The following PCDHA4 variants were observed in gnomAD, a reference collection of about 807,000 sequenced individuals.
The protein encoded by PCDHA4 is protocadherin alpha 4, also known as protocadherin alpha-4.
In PCDHA4, 49 loss-of-function variants were observed where a neutral mutation model predicts 61.4. That is an observed-to-expected ratio of 0.80 (90% CI 0.63 to 1.01). The LOEUF (loss-of-function observed/expected upper bound fraction) is 1.01, where lower values mean the gene tolerates loss of function less well. Ranked by LOEUF, PCDHA4 falls within the 50% of genes least tolerant of loss-of-function variation. PCDHA4 has a pLI of 0.00. For missense variants in PCDHA4, 1,254 were observed against 1,235.8 expected (o/e 1.01, Z -0.22); for synonymous variants, 590 against 550.3 (o/e 1.07, Z -1.01).
chr5:140,969,354 T>G, intron 1 of PCDHA4: 1 of 1,612,552 alleles, frequency 6.2e-7, no homozygotes. Context: ...TCAGGGGGTC[T>G]TCTACAAACT....
At chr5:140,924,839 G>A (rs1049952478) in intron 1 of PCDHA4, among the ~76,000 whole-genome samples, 3 of 150,922 alleles carry the variant, frequency 2.0e-5, no homozygotes, top group Non-Finnish European at 4.4e-5. Context: ...AGGTTGCAGG[G>A]AGCTCAGATC....
intron 1 of PCDHA4, chr5:140,877,313 C>T (rs2057018817): frequency 6.2e-7 from 1 of 1,613,836 alleles, no homozygotes; most frequent in Non-Finnish European, 8.5e-7. Flanking sequence ...TTGCAACCGG[C>T]GGCGGTCGGC....
intron 1 of PCDHA4, among the ~76,000 whole-genome samples, chr5:140,945,070 C>T (rs2093734077): frequency 6.6e-6 from 1 of 151,960 alleles, no homozygotes; most frequent in African/African-American, 2.4e-5. Context: ...ACAGACTCCA[C>T]CAAAACACTC....
rs782609302 is a variant in PCDHA4 at position 140,875,595 on chromosome 5, C to T, written c.2385+66023C>T. The T allele has an allele frequency of 6.2e-6, 10 of 1,613,842 alleles. No individual in the cohort carries two copies. The African/African-American group carries it at 8.0e-5, about 13-fold the overall frequency. ...ACTCCGTCTACGAGGAGGCCAAACA[C>T]GGCACCTTCGTGGGCCGCATCGCTC... On this transcript the variant is annotated intron_variant, in intron 1 of 3. Transcript: ENST00000530339.
rs533995955 is a variant in PCDHA4, at chr5:140,975,833, A to T, written c.2386-3116A>T. On this transcript the variant is annotated intron_variant, in intron 1 of 3. Coordinates refer to ENST00000530339, the MANE Select transcript of PCDHA4 (RefSeq NM_018907.4). ...TTAATAGGAACTGAAGTGTATTCTT[A>T]TTCTTCAGTAATACTACATCACCCA... 2.6e-5 allele frequency among the ~76,000 whole-genome samples: 4 copies of T among 152,336 alleles called. No individual in the cohort carries two copies. In the South Asian group the frequency reaches 8.3e-4, roughly 32 times the overall value.
intron 1 of PCDHA4, among the ~76,000 whole-genome samples, chr5:140,837,390 T>C (rs2150275262): frequency 6.6e-6 from 1 of 152,134 alleles, no homozygotes; most frequent in East Asian, 1.9e-4. Context: ...TGTTCCTTGT[T>C]TGTATAAGAA....
Position 140,823,986 on chromosome 5 carries a change from T to A in PCDHA4, c.2385+14414T>A, listed in dbSNP as rs2150131156. On this transcript the variant is annotated intron_variant, in intron 1 of 3. Coordinates refer to ENST00000530339, the MANE Select transcript of PCDHA4 (RefSeq NM_018907.4). ...CCGTGTGCACACGGGGCAAGCCCAC[T>A]CTGTTGTGCTCCAGCGCGGTGGGGA... The A allele has an allele frequency of 3.9e-5, 63 of 1,613,776 alleles. No individual in the cohort carries two copies. The Admixed American group carries it at 1.0e-3, about 27-fold the overall frequency.
chr5:140,967,019 C>T (rs887648506), intron 1 of PCDHA4: 1 of 1,607,542 alleles, frequency 6.2e-7, no homozygotes, highest in Non-Finnish European at 8.5e-7. Flanking sequence ...TCTGGGTGCG[C>T]CCAGTCCGCG....
chr5:140,825,571 T>C (rs1196041650), intron 1 of PCDHA4: 1 of 151,826 alleles, frequency 6.6e-6, no homozygotes, highest in African/African-American at 2.4e-5. Flanking sequence ...ATTACAGGCA[T>C]GTGCCCACAC....
chr5:140,914,076 T>C (rs2076593853), intron 1 of PCDHA4, among the ~76,000 whole-genome samples: 1 of 152,218 alleles, frequency 6.6e-6, no homozygotes, highest in Non-Finnish European at 1.5e-5. Context: ...TCCATAACTA[T>C]CTATTAGGTC....
At chr5:141,009,463 A>C in intron 3 of PCDHA4, 164 bp from the exon 4 acceptor site, 1 of 954,884 alleles carries the variant, frequency 1.0e-6, no homozygotes, top group Non-Finnish European at 1.2e-6. Context: ...AAACAAATAA[A>C]TAAATAAGTA....
intron 1 of PCDHA4, chr5:140,848,534 T>C (rs2150412178): frequency 6.3e-7 from 1 of 1,595,182 alleles, no homozygotes; most frequent in Non-Finnish European, 8.6e-7. Flanking sequence ...AGGGTCAGCC[T>C]CTACTGCTCT....
intron 1 of PCDHA4, among the ~76,000 whole-genome samples, chr5:140,873,040 T>C (rs2153278087): frequency 6.6e-6 from 1 of 152,312 alleles, no homozygotes; most frequent in South Asian, 2.1e-4. Flanking sequence ...CGTAGAGTGG[T>C]GGTATTACAG....
intron 1 of PCDHA4, among the ~76,000 whole-genome samples, chr5:140,959,030 G>A (rs1303090530): frequency 6.6e-6 from 1 of 151,776 alleles, no homozygotes; most frequent in African/African-American, 2.4e-5. Flanking sequence ...GCTTTATCAT[G>A]GGTATGTATG....
Position 140,808,794 on chromosome 5 carries a change from C to G in PCDHA4, c.1607C>G (p.Thr536Ser), listed in dbSNP as rs1465939551. Residue 536 changes from threonine (T) to serine (S), a missense_variant, in exon 1 of 4, where the codon ACC becomes AGC. By Grantham distance (58) the Thr-to-Ser change is moderately conservative (BLOSUM62 1). Transcript: ENST00000530339. ...CTAGAGCTGCTGCAGTTTCAGGTGA[C>G]CGCTCGCGATGCCGGCGTGCCACCT... Reference protein sequence around the residue: ...EELELLQFQVTARDAGVPPLG... With the variant: ...EELELLQFQVSARDAGVPPLG... The G allele has an allele frequency of 6.8e-6, 11 of 1,612,506 alleles. No individual in the cohort carries two copies. Among genetic ancestry groups the G allele is most frequent in the South Asian group, 4.4e-5 (4 of 91,020 alleles).
chr5:140,990,814 T>A (rs1184527701), intron 3 of PCDHA4, among the ~76,000 whole-genome samples: 1 of 152,184 alleles, frequency 6.6e-6, no homozygotes, highest in Non-Finnish European at 1.5e-5. Context: ...GAAGCTCCCT[T>A]CTCTCAGCTA....
intron 1 of PCDHA4, among the ~76,000 whole-genome samples, chr5:140,893,672 T>G (rs1554185735): frequency 6.6e-6 from 1 of 152,216 alleles, no homozygotes; most frequent in African/African-American, 2.4e-5. Flanking sequence ...ATTTCAGCAC[T>G]TTGGATATAT....
intron 1 of PCDHA4, chr5:140,824,018 C>T (rs2150131575): frequency 6.2e-7 from 1 of 1,613,994 alleles, no homozygotes; most frequent in African/African-American, 1.3e-5. Context: ...GGGAGCTGGT[C>T]GTACTCGCAG....
intron 1 of PCDHA4, among the ~76,000 whole-genome samples, chr5:140,891,205 A>G (rs561238636): frequency 3.3e-5 from 5 of 152,120 alleles, no homozygotes; most frequent in African/African-American, 1.2e-4. Context: ...CAGTTTTACC[A>G]TGCTGTGTCT....
Sources: gnomAD v4.1 joint callset for allele counts (sites outside exome capture counted in the v4.1 genomes callset) on GRCh38, gnomAD v4.1.1 for gene constraint, MANE v1.5 for transcripts, NCBI Gene and HGNC (gene_info 2026-07-23, HGNC 2026-07-21) for gene names.